The following ALK variants were observed in gnomAD, a reference collection of about 807,000 sequenced individuals.
ALK encodes ALK receptor tyrosine kinase.
Under a neutral mutation model 163.1 loss-of-function variants are expected in ALK, and 74 were observed. That is an observed-to-expected ratio of 0.45 (90% CI 0.38 to 0.55). The LOEUF is 0.55. Ranked by LOEUF, ALK falls within the 20% of genes least tolerant of loss-of-function variation. ALK has a pLI of 0.00. For synonymous variants in ALK, 960 were observed against 843.2 expected (o/e 1.14, Z -2.40); for missense variants, 2,063 against 2,105.3 (o/e 0.98, Z 0.39).
At chr2:29,675,002 T>C (rs1251933064) in intron 3 of ALK, among the ~76,000 whole-genome samples, 2 of 151,274 alleles carry the variant, frequency 1.3e-5, no homozygotes, top group Non-Finnish European at 2.9e-5. Flanking sequence ...TTTGTATTTC[T>C]GTGGGATCGG....
intron 3 of ALK, among the ~76,000 whole-genome samples, chr2:29,559,453 T>C (rs577334946): frequency 6.6e-6 from 1 of 152,310 alleles, no homozygotes; most frequent in Non-Finnish European, 1.5e-5. Flanking sequence ...TCCAGAATTA[T>C]GACACAGTTT....
intron 5 of ALK, among the ~76,000 whole-genome samples, chr2:29,334,368 C>T (rs945255468): frequency 6.6e-6 from 1 of 152,192 alleles, no homozygotes; most frequent in Non-Finnish European, 1.5e-5. Flanking sequence ...TGTGTATTAG[C>T]TGGGGAAGGT....
At chr2:29,432,231 G>A (rs534034651) in intron 4 of ALK, among the ~76,000 whole-genome samples, 1 of 152,116 alleles carries the variant, frequency 6.6e-6, no homozygotes, top group Non-Finnish European at 1.5e-5. Context: ...TGGGTCATGA[G>A]GGTGGATCCC....
chr2:29,546,801 A>T (rs1337173817), intron 3 of ALK, among the ~76,000 whole-genome samples: 1 of 148,734 alleles, frequency 6.7e-6, no homozygotes, highest in African/African-American at 2.4e-5. Flanking sequence ...TTTAAAAAGC[A>T]ATTTTTTGCC....
chr2:29,369,131 C>T (rs993718541), intron 5 of ALK, among the ~76,000 whole-genome samples: 2 of 152,176 alleles, frequency 1.3e-5, no homozygotes, highest in Non-Finnish European at 2.9e-5. Context: ...AATGCTGGAC[C>T]TTCTTATCTA....
chr2:29,369,610 G>A (rs1230693035), intron 5 of ALK, among the ~76,000 whole-genome samples: 1 of 152,140 alleles, frequency 6.6e-6, no homozygotes, highest in Non-Finnish European at 1.5e-5. Context: ...GGATCAGACA[G>A]GCAATTCCAC....
chr2:29,324,343 T>C (rs1408530699), intron 6 of ALK, among the ~76,000 whole-genome samples: 1 of 152,242 alleles, frequency 6.6e-6, no homozygotes, highest in African/African-American at 2.4e-5. Context: ...TTGATAAATA[T>C]GTGCTATACA....
At chr2:29,550,899 C>G (rs766532287) in intron 3 of ALK, among the ~76,000 whole-genome samples, 1 of 152,022 alleles carries the variant, frequency 6.6e-6, no homozygotes, top group Non-Finnish European at 1.5e-5. Flanking sequence ...TTAACATTGT[C>G]GTAAGCATCC....
chr2:29,415,703 A>G (rs1226047867), intron 4 of ALK, among the ~76,000 whole-genome samples: 5 of 152,196 alleles, frequency 3.3e-5, no homozygotes, highest in Non-Finnish European at 7.3e-5. Flanking sequence ...GTTTCATAAG[A>G]GATTAGCATT....
At chr2:29,524,254 G>C (rs1672893986) in intron 4 of ALK, among the ~76,000 whole-genome samples, 1 of 152,182 alleles carries the variant, frequency 6.6e-6, no homozygotes, top group Non-Finnish European at 1.5e-5. Flanking sequence ...AGCATAAAAA[G>C]GTGTGCAACC....
At chr2:29,398,069 T>C (rs1409508999) in intron 4 of ALK, among the ~76,000 whole-genome samples, 1 of 152,152 alleles carries the variant, frequency 6.6e-6, no homozygotes, top group Non-Finnish European at 1.5e-5. Context: ...AGCTCAAAAT[T>C]GTGACCTGGA....
intron 1 of ALK, among the ~76,000 whole-genome samples, chr2:29,906,937 G>GTTTTT (rs70962250): frequency 5.0e-5 from 4 of 80,042 alleles, no homozygotes; most frequent in African/African-American, 1.8e-4. Context: ...TACATTTAAG[G>GTTTTT]TTTTTTTTTT....
chr2:29,656,906 C>T (rs1163420169), intron 3 of ALK, among the ~76,000 whole-genome samples: 1 of 152,172 alleles, frequency 6.6e-6, no homozygotes, highest in African/African-American at 2.4e-5. Flanking sequence ...GAACAAAACT[C>T]AGAACCTTTT....
At position 29,577,547 on chromosome 2, in the gene ALK, G is replaced by T. The variant is rs537086554; in HGVS notation, c.953-45431C>A. On this transcript the variant is annotated intron_variant, in intron 3 of 28. Coordinates refer to ENST00000389048, the MANE Select transcript of ALK (RefSeq NM_004304.5). ...CTACACGGAGGAGATCTGTGGCCATGACGATAAAGGATTAGTAAAGGTAGA... is the reference window on the plus strand; with the variant it reads ...CTACACGGAGGAGATCTGTGGCCATTACGATAAAGGATTAGTAAAGGTAGA... Among the ~76,000 whole-genome samples the T allele has an allele frequency of 3.2e-4, 48 of 152,320 alleles. 1 individual carries two copies. The South Asian group carries it at 9.7e-3, about 31-fold the overall frequency.
chr2:29,352,837 T>C (rs1229759665), intron 5 of ALK, among the ~76,000 whole-genome samples: 1 of 152,242 alleles, frequency 6.6e-6, no homozygotes, highest in Non-Finnish European at 1.5e-5. Flanking sequence ...TCATAACTGA[T>C]AAAATTATGA....
At chr2:29,507,017 T>C in intron 4 of ALK, among the ~76,000 whole-genome samples, 1 of 152,206 alleles carries the variant, frequency 6.6e-6, no homozygotes, top group Non-Finnish European at 1.5e-5. Flanking sequence ...GCAATTCCAC[T>C]TCTAGGTATA....
intron 2 of ALK, among the ~76,000 whole-genome samples, chr2:29,710,504 G>GTGTGTGTC (rs1679054196): frequency 2.5e-5 from 3 of 120,596 alleles, no homozygotes; most frequent in African/African-American, 1.6e-4. Flanking sequence ...GTGTGCGTGT[G>GTGTGTGTC]TGTGTGTGTG....
At chr2:29,412,200 G>A (rs145154461) in intron 4 of ALK, among the ~76,000 whole-genome samples, 133 of 152,312 alleles carry the variant, frequency 8.7e-4, no homozygotes, top group Admixed American at 2.0e-3. Flanking sequence ...AAAGGAGGAT[G>A]TGTGGGAGCA....
intron 12 of ALK, among the ~76,000 whole-genome samples, chr2:29,247,135 G>C (rs1034028243): frequency 1.3e-5 from 2 of 151,972 alleles, no homozygotes; most frequent in East Asian, 1.9e-4. Context: ...CTCCGCGGCA[G>C]CGCCTTTTAC....
Sources: gnomAD v4.1 joint callset for allele counts (sites outside exome capture counted in the v4.1 genomes callset) on GRCh38, gnomAD v4.1.1 for gene constraint, MANE v1.5 for transcripts, NCBI Gene and HGNC (gene_info 2026-07-23, HGNC 2026-07-21) for gene names.